Variants in TVP23C observed in about 807,000 individuals in gnomAD.
TVP23C encodes trans-golgi network vesicle protein 23 homolog C.
A neutral mutation model predicts 28.7 loss-of-function variants in TVP23C; 19 were observed. The ratio of observed to expected loss-of-function variants is 0.66; its 90% CI spans 0.46 to 0.97. TVP23C has a LOEUF of 0.97. Among genes scored for constraint, TVP23C ranks in the 50% least tolerant of loss-of-function variants. TVP23C has a pLI of 0.00. For missense variants in TVP23C, 186 were observed against 241.3 expected (o/e 0.77, Z 1.52); for synonymous variants, 68 against 81.7 (o/e 0.83, Z 0.90).
In TVP23C at chr17:15,506,163, G is replaced by A. The variant is rs531844816; in HGVS notation, c.463-2931C>T. ...GCCAGCTGGGCTCCTGAGTCTGATG[G>A]GGACGTGGAGAGTCTTTATGTCTAG... On this transcript the variant is annotated intron_variant, in intron 5 of 5. Transcript: ENST00000225576. 5.2e-3 allele frequency among the ~76,000 whole-genome samples: 791 copies of A among 152,382 alleles called. 5 individuals carry two copies. Among genetic ancestry groups the A allele is most frequent in the Middle Eastern group, 0.01 (3 of 294 alleles).
intron 4 of TVP23C, 97 bp from the exon 5 acceptor site, chr17:15,546,013 A>G (rs1038999597): frequency 6.7e-7 from 1 of 1,497,454 alleles, no homozygotes; most frequent in African/African-American, 1.4e-5. Context: ...AAGTTCAAAT[A>G]TTAATACACA....
chr17:15,547,217 C>A (rs1983686451), intron 3 of TVP23C, 69 bp from the exon 4 acceptor site: 2 of 1,605,706 alleles, frequency 1.2e-6, no homozygotes, highest in Admixed American at 3.5e-5. Flanking sequence ...AAGCTCCTAT[C>A]TTAGTGTAAC....
intron 5 of TVP23C, among the ~76,000 whole-genome samples, chr17:15,541,258 C>A (rs1567640025): frequency 6.6e-6 from 1 of 152,154 alleles, no homozygotes; most frequent in Non-Finnish European, 1.5e-5. Flanking sequence ...AAAATTGAGA[C>A]AATGTGAGGG....
exon 6 of TVP23C, chr17:15,503,041 C>A: frequency 1.2e-6 from 2 of 1,613,942 alleles, no homozygotes; most frequent in Admixed American, 1.7e-5. Context: ...TAAGGCGGGG[C>A]GCAGGTTTCC....
At chr17:15,504,593 C>T (rs1209678534) in intron 5 of TVP23C, among the ~76,000 whole-genome samples, 3 of 152,058 alleles carry the variant, frequency 2.0e-5, no homozygotes, top group Admixed American at 6.6e-5. Flanking sequence ...GACAGGGTCT[C>T]GTGCTTTGGC....
chr17:15,504,438 A>G (rs1382589245), intron 5 of TVP23C, among the ~76,000 whole-genome samples: 1 of 152,202 alleles, frequency 6.6e-6, no homozygotes, highest in South Asian at 2.1e-4. Flanking sequence ...ACATAAAAAT[A>G]AGGAGTTGCT....
At chr17:15,545,045 C>T (rs1983583384) in intron 5 of TVP23C, among the ~76,000 whole-genome samples, 1 of 152,058 alleles carries the variant, frequency 6.6e-6, no homozygotes, top group South Asian at 2.1e-4. Context: ...AAGTGACAAA[C>T]TATATTTTCC....
At chr17:15,517,115 T>C (rs1245144798) in intron 5 of TVP23C, among the ~76,000 whole-genome samples, 2 of 152,210 alleles carry the variant, frequency 1.3e-5, no homozygotes, top group South Asian at 2.1e-4. Context: ...GGCAGGATAA[T>C]GCACACCAGT....
chr17:15,502,809 CCTCTCT>C (rs57432478), exon 6 of TVP23C: 14,117 of 1,308,288 alleles, frequency 0.011, 224 homozygotes, highest in African/African-American at 0.084. Flanking sequence ...TCCTCTCTCT[CCTCTCT>C]CTCTCTCTCT....
chr17:15,523,152 G>A lies in TVP23C; in HGVS notation c.463-19920C>T, dbSNP rs563151671. Among the ~76,000 whole-genome samples the A allele has an allele frequency of 1.4e-3, 218 of 151,100 alleles. 1 individual carries two copies. The highest frequency in any genetic ancestry group is 3.0e-3 in the Admixed American group (46 of 15,186). Reference sequence around the variant, plus strand: ...GGCCTCCCGAGTAGCTAGGACTACAGGTGCATGCCGCCCGGCTAATTTTTT... The same window carrying A: ...GGCCTCCCGAGTAGCTAGGACTACAAGTGCATGCCGCCCGGCTAATTTTTT... On this transcript the variant is annotated intron_variant, in intron 5 of 5. Transcript: ENST00000225576.
chr17:15,503,788 G>C (rs1036704313), intron 5 of TVP23C, among the ~76,000 whole-genome samples: 1 of 152,172 alleles, frequency 6.6e-6, no homozygotes, highest in Non-Finnish European at 1.5e-5. Context: ...AAAGGCCATC[G>C]TAAGGCTTCA....
At chr17:15,526,792 T>C (rs1364704154) in intron 5 of TVP23C, among the ~76,000 whole-genome samples, 3 of 152,148 alleles carry the variant, frequency 2.0e-5, no homozygotes, top group African/African-American at 7.2e-5. Context: ...GAAGAAATGT[T>C]TAAAAAACAT....
chr17:15,528,571 T>C (rs1457713217), intron 5 of TVP23C, among the ~76,000 whole-genome samples: 1 of 152,172 alleles, frequency 6.6e-6, no homozygotes, highest in Non-Finnish European at 1.5e-5. Flanking sequence ...ATGTGTATTC[T>C]GCTGTTGTTG....
chr17:15,504,324 G>C (rs1469401122), intron 5 of TVP23C, among the ~76,000 whole-genome samples: 2 of 152,100 alleles, frequency 1.3e-5, no homozygotes, highest in East Asian at 1.9e-4. Context: ...TTTGTCCCTG[G>C]GGTTTGGTGA....
intron 3 of TVP23C, among the ~76,000 whole-genome samples, chr17:15,552,835 AAC>A (rs1246166318): frequency 6.6e-6 from 1 of 151,650 alleles, no homozygotes; most frequent in Non-Finnish European, 1.5e-5. Flanking sequence ...TATATTTTCG[AAC>A]ACACACAGTT....
intron 3 of TVP23C, 60 bp from the exon 4 acceptor site, chr17:15,547,208 A>T (rs1213352906): frequency 6.2e-7 from 1 of 1,612,076 alleles, no homozygotes; most frequent in Admixed American, 1.7e-5. Context: ...ATCTGTCACA[A>T]GCTCCTATCT....
Position 15,539,163 on chromosome 17 carries a change from T to C in TVP23C, c.*1249A>G, listed in dbSNP as rs1302291855. ...CAAATTATGAGACTCCACCCCCAGA[T>C]CTACTGAATAAGGAGTCTGGAGGTG... On this transcript the variant is annotated 3_prime_UTR_variant, in exon 6 of 6. Transcript: ENST00000518321. The C allele has an allele frequency of 1.1e-6, 1 of 938,410 alleles. No individual in the cohort carries two copies. The highest frequency in any genetic ancestry group is 6.2e-5 in the Admixed American group (1 of 16,198). The allele number at this position is 938,410 out of a possible 1,614,324, so 58.1% of individuals were successfully genotyped here.
intron 5 of TVP23C, among the ~76,000 whole-genome samples, chr17:15,543,672 T>C (rs1396011991): frequency 6.6e-6 from 1 of 150,602 alleles, no homozygotes; most frequent in Non-Finnish European, 1.5e-5. Context: ...TTAACTAACA[T>C]CCCCTACTGT....
intron 5 of TVP23C, among the ~76,000 whole-genome samples, chr17:15,528,839 C>G (rs1483620363): frequency 1.3e-5 from 2 of 151,428 alleles, no homozygotes; most frequent in Non-Finnish European, 2.9e-5. Context: ...CTCAAGTGAC[C>G]TGCCCGCCTC....
Sources: allele counts gnomAD v4.1 joint callset (sites outside exome capture counted in the v4.1 genomes callset), GRCh38; gene constraint gnomAD v4.1.1; transcripts MANE v1.5; gene names NCBI Gene and HGNC (gene_info 2026-07-23, HGNC 2026-07-21).